ACADVL: variants seen among roughly 807,000 people sequenced by gnomAD.
ACADVL encodes the protein very long-chain acyl-CoA dehydrogenase, mitochondrial.
A neutral mutation model predicts 80.4 loss-of-function variants in ACADVL; 73 were observed. The ratio of observed to expected loss-of-function variants is 0.91; its 90% confidence interval spans 0.75 to 1.10. The LOEUF (loss-of-function observed/expected upper bound fraction) is 1.10. ACADVL is among the 50% of genes least tolerant of loss of function. ACADVL has a pLI of 0.00. For synonymous variants in ACADVL, 392 were observed against 326.5 expected (o/e 1.20, Z -2.16); for missense variants, 878 against 858.9 (o/e 1.02, Z -0.28).
At chr17:7,223,365 G>A (rs759907366) in intron 11 of ACADVL, 128 bp downstream of exon 11, 2 of 941,848 alleles carry the variant, frequency 2.1e-6, no homozygotes, top group East Asian at 2.4e-5. Context: ...AGGGGATGCG[G>A]GGAGGCATAG....
In ACADVL at chr17:7,220,358, G is replaced by A. The variant is rs935640706; in HGVS notation, c.139-106G>A. ...CAGGGTGCCCTAGGGCGAAACTAGG[G>A]GAAAGGTCACCGCTTCGCGCCGCCT... On this transcript the variant is annotated intron_variant, in intron 2 of 19. Coordinates refer to ENST00000356839, the MANE Select transcript of ACADVL (RefSeq NM_000018.4). 7.3e-5 allele frequency: 115 copies of A among 1,577,662 alleles called. No individual in the cohort carries two copies. In the Admixed American group the frequency reaches 8.0e-4, roughly 11 times the overall value.
In ACADVL at chr17:7,220,769, T is replaced by C; in HGVS notation, c.281T>C (p.Leu94Pro). The change falls in exon 5 of 20, where the codon CTC becomes CCC. Residue 94 changes from leucine to proline, a missense_variant. Physicochemically the swap from Leu to Pro is moderately conservative, Grantham distance 98. Transcript: ENST00000356839. ...GCCTGTCCCCCACCCTCTGCAGTGCTCAACGAAGAGCAGACACAGTTTCTT... is the reference window on the plus strand; with the variant it reads ...GCCTGTCCCCCACCCTCTGCAGTGCCCAACGAAGAGCAGACACAGTTTCTT... Reference protein sequence around the residue: ...TDQVFPYPSVLNEEQTQFLKE... With the variant: ...TDQVFPYPSVPNEEQTQFLKE... 6.2e-7 allele frequency: 1 copy of C among 1,614,122 alleles called. No homozygotes were observed. The highest frequency in any genetic ancestry group is 1.1e-5 in the South Asian group (1 of 91,086).
upstream of ACADVL, chr17:7,219,377 G>A (rs535984005): frequency 9.9e-6 from 10 of 1,012,490 alleles, no homozygotes; most frequent in South Asian, 3.5e-4. Context: ...TACTAAGGGA[G>A]GGGCAGTGAA....
intron 9 of ACADVL, 129 bp downstream of exon 9, chr17:7,222,431 G>C: frequency 1.4e-6 from 2 of 1,388,934 alleles, no homozygotes; most frequent in Non-Finnish European, 1.9e-6. Flanking sequence ...GTGGCCTTTG[G>C]GACTAATATG....
chr17:7,217,133 A>G (rs1317441356), upstream of ACADVL: 8 of 1,302,056 alleles, frequency 6.1e-6, no homozygotes, highest in African/African-American at 1.2e-4. Context: ...TTGTCACTAT[A>G]CAGAGACAGT....
chr17:7,222,437 A>G lies in ACADVL; in HGVS notation c.878+135A>G, dbSNP rs1007496145. 1.9e-5 allele frequency: 26 copies of G among 1,359,926 alleles called. No homozygotes were observed. The Admixed American group carries it at 2.4e-4, about 13-fold the overall frequency. The allele number at this position is 1,359,926 out of a possible 1,614,324, so 84.2% of individuals were successfully genotyped here. On this transcript the variant is annotated intron_variant, in intron 9 of 19. Coordinates refer to ENST00000356839, the MANE Select transcript of ACADVL (RefSeq NM_000018.4). ...GGACTGAATGTGGCCTTTGGGACTAATATGTATGCAACTGAGCTAAAGTTT... is the reference window on the plus strand; with the variant it reads ...GGACTGAATGTGGCCTTTGGGACTAGTATGTATGCAACTGAGCTAAAGTTT...
rs753490272 is a variant in ACADVL at position 7,220,440 on chromosome 17, C to G, written c.139-24C>G. On this transcript the variant is annotated intron_variant, in intron 2 of 19. Transcript: ENST00000356839. The stretch of plus-strand genomic sequence containing the variant: ...ACACAGCGGAAGTCCCTTCCCTGAA[C>G]TTGCTAACCGTCTCTTTTCCCAGCT... The G allele has an allele frequency of 4.3e-6, 7 of 1,614,128 alleles. No homozygotes were observed. In the Middle Eastern group the frequency reaches 8.2e-4, roughly 190 times the overall value.
In ACADVL at chr17:7,222,396, A is replaced by C; in HGVS notation, c.878+94A>C. ...TGCAAGTCACCCTGGGGACGTGTGC[A>C]AAAGCCAAAGCAGGTGGACTGAATG... On this transcript the variant is annotated intron_variant, in intron 9 of 19. Coordinates refer to ENST00000356839, the MANE Select transcript of ACADVL (RefSeq NM_000018.4). 4 of 1,542,466 alleles carry C rather than the reference A, an allele frequency of 2.6e-6. No homozygotes were observed. In the East Asian group the frequency reaches 9.1e-5, roughly 35 times the overall value.
chr17:7,221,887 G>A lies in ACADVL; in HGVS notation c.623-65G>A, dbSNP rs200818838. On this transcript the variant is annotated intron_variant, in intron 7 of 19. Transcript: ENST00000356839. The stretch of plus-strand genomic sequence containing the variant: ...GGGAACTGCCTGCTGGAGGGATGGG[G>A]AAGTGGGCCGAGGGGACTTTGAAGC... The A allele has an allele frequency of 1.1e-4, 175 of 1,612,512 alleles. 1 individual carries two copies. The highest frequency in any genetic ancestry group is 7.6e-4 in the South Asian group (69 of 91,052).
At position 7,222,616 on chromosome 17, in the gene ACADVL, A is replaced by C. The variant is rs757093118; in HGVS notation, c.879-51A>C. On this transcript the variant is annotated intron_variant, in intron 9 of 19. Transcript: ENST00000356839. ...GGAGCGAAGGAGCAGTTTTTCCCCC[A>C]GTGACAACCTGTTGAACACACCTCT... The C allele has an allele frequency of 1.8e-5, 28 of 1,540,062 alleles. No individual in the cohort carries two copies. In the Admixed American group the frequency reaches 3.7e-4, roughly 20 times the overall value.
chr17:7,222,221 C>CA lies in ACADVL; in HGVS notation c.798dup (p.Val267SerfsTer31). 1 of 1,614,012 alleles carries CA rather than the reference C, an allele frequency of 6.2e-7. No individual in the cohort carries two copies. The highest frequency in any genetic ancestry group is 8.5e-7 in the Non-Finnish European group (1 of 1,180,002). ...ATCTTCACGGTCTTTGCCAAGACACCAGTTACAGATCCAGCCACAGGAGCC... is the reference window on the plus strand; with the variant it reads ...ATCTTCACGGTCTTTGCCAAGACACCAAGTTACAGATCCAGCCACAGGAGCC... On this transcript the variant is annotated frameshift_variant, in exon 9 of 20. Transcript: ENST00000356839. LOFTEE classifies it high-confidence loss of function.
rs1299001233 is a variant in ACADVL at position 7,220,059 on chromosome 17, C to A, written c.62+13C>A. 1 of 1,601,692 alleles carries A rather than the reference C, an allele frequency of 6.2e-7. No homozygotes were observed. The highest frequency in any genetic ancestry group is 1.7e-5 in the Admixed American group (1 of 59,658). ...TCGGGGGCGGAAGGTCTGTGTGTGACAAGAGGGACGGTGGGCAGCGGCCCT... is the reference window on the plus strand; with the variant it reads ...TCGGGGGCGGAAGGTCTGTGTGTGAAAAGAGGGACGGTGGGCAGCGGCCCT... On this transcript the variant is annotated intron_variant, in intron 1 of 19. Coordinates refer to ENST00000356839, the MANE Select transcript of ACADVL (RefSeq NM_000018.4).
chr17:7,221,224 A>G (rs2071199652), intron 6 of ACADVL, 166 bp downstream of exon 6: 2 of 1,230,900 alleles, frequency 1.6e-6, no homozygotes, highest in Non-Finnish European at 2.3e-6. Context: ...ATTTACATGC[A>G]GTCCCCTAGG....
At chr17:7,223,341 T>C in intron 11 of ACADVL, 104 bp downstream of exon 11, 1 of 1,084,530 alleles carries the variant, frequency 9.2e-7, no homozygotes, top group East Asian at 2.4e-5. Context: ...TCTCCAGCTT[T>C]ACACCAATGC....
upstream of ACADVL, chr17:7,219,874 G>C: frequency 6.5e-7 from 1 of 1,540,198 alleles, no homozygotes; most frequent in Non-Finnish European, 8.7e-7. Context: ...ACCGTCCGCC[G>C]CCCGGTGCAC....
chr17:7,224,066 T>C lies in ACADVL; in HGVS notation c.1431T>C (p.Cys477=). 1 of 1,614,000 alleles carries C rather than the reference T, an allele frequency of 6.2e-7. No homozygotes were observed. Among genetic ancestry groups the C allele is most frequent in the Non-Finnish European group, 8.5e-7 (1 of 1,179,990 alleles). Residue 477 remains cysteine (C), a synonymous_variant, in exon 14 of 20, where the codon TGT becomes TGC. Coordinates refer to ENST00000356839, the MANE Select transcript of ACADVL (RefSeq NM_000018.4). The stretch of plus-strand genomic sequence containing the variant: ...GGCTGTTTGTGGCTCTGCAGGGCTG[T>C]ATGGTAAGACAGAGAATTGGGTGGG... The part of the protein sequence containing the change: ...ILRLFVALQG[C]MDKGKELSGL...
chr17:7,217,315 G>A (rs2070965533), upstream of ACADVL: 1 of 1,007,018 alleles, frequency 9.9e-7, no homozygotes, highest in Non-Finnish European at 1.3e-6. Context: ...AGAAGGGAAG[G>A]GGAGGGGAGC....
upstream of ACADVL, chr17:7,218,247 C>G: frequency 6.2e-7 from 1 of 1,609,770 alleles, no homozygotes; most frequent in African/African-American, 1.3e-5. Flanking sequence ...TTACCTGACT[C>G]TCTGAGAGGG....
chr17:7,217,816 G>A (rs1052034016), upstream of ACADVL: 4 of 1,535,086 alleles, frequency 2.6e-6, no homozygotes, highest in South Asian at 2.4e-5. Context: ...CAAAGACGAT[G>A]AGGCTGGATT....
Sources: gnomAD v4.1 joint callset for allele counts on GRCh38, gnomAD v4.1.1 for gene constraint, MANE v1.5 for transcripts, NCBI Gene and HGNC (gene_info 2026-07-23, HGNC 2026-07-21) for gene names.